Variants in ANK3 observed in about 807,000 individuals in gnomAD.
ANK3 encodes the protein ankyrin 3, also known as ankyrin-3.
Under a neutral mutation model 370.9 loss-of-function variants are expected in ANK3, and 57 were observed. That is an observed-to-expected ratio of 0.15 (90% confidence interval 0.12 to 0.19). The LOEUF (loss-of-function observed/expected upper bound fraction) is 0.19, where lower values mean the gene tolerates loss of function less well. Ranked by LOEUF, ANK3 falls within the 10% of genes least tolerant of loss-of-function variation. ANK3 has a pLI of 1.00. For missense variants in ANK3, 4,439 were observed against 5,302.1 expected, an observed-to-expected ratio of 0.84 and a Z score of 5.06; for synonymous variants, 1,929 against 1,946.3, an observed-to-expected ratio of 0.99 and a Z score of 0.23.
intron 2 of ANK3, among the ~76,000 whole-genome samples, chr10:60,424,332 T>A (rs2063836053): frequency 1.3e-5 from 2 of 152,036 alleles, no homozygotes; most frequent in South Asian, 2.1e-4. Context: ...AATAAGAGAA[T>A]CTAGAAAACT....
chr10:60,468,663 G>A (rs1352150173), intron 2 of ANK3, among the ~76,000 whole-genome samples: 2 of 151,802 alleles, frequency 1.3e-5, no homozygotes, highest in Non-Finnish European at 2.9e-5. Flanking sequence ...TACTAGATGG[G>A]TGAACTTTGG....
At chr10:60,663,928 C>A (rs949595875) in intron 1 of ANK3, among the ~76,000 whole-genome samples, 8 of 152,182 alleles carry the variant, frequency 5.3e-5, no homozygotes, top group Admixed American at 1.3e-4. Context: ...TGAAATGAGA[C>A]AGATGAAAGG....
intron 2 of ANK3, among the ~76,000 whole-genome samples, chr10:60,459,120 G>A (rs543370250): frequency 2.0e-5 from 3 of 152,166 alleles, no homozygotes; most frequent in Admixed American, 1.3e-4. Flanking sequence ...TGACAGAATC[G>A]GCTTACGAGG....
Position 60,073,203 on chromosome 10 carries a change from T to C in ANK3, c.7678A>G (p.Thr2560Ala), listed in dbSNP as rs2083091644. 1 of 1,614,184 alleles carries C rather than the reference T, an allele frequency of 6.2e-7. No individual in the cohort carries two copies. The highest frequency in any genetic ancestry group is 8.5e-7 in the Non-Finnish European group (1 of 1,180,030). The change falls in exon 37 of 44, where the codon ACT becomes GCT. Residue 2560 changes from threonine to alanine, a missense_variant. By Grantham distance (58) the Thr-to-Ala change is moderately conservative. Around this residue, in one of 13 missense-constraint regions of ANK3, gnomAD observed 1,601 missense variants for 1,731.7 expected, o/e 0.92. Coordinates refer to ENST00000280772, the MANE Select transcript of ANK3 (RefSeq NM_020987.5). Reference sequence around the variant, plus strand: ...CTACCTCTGTCTAATCTGTCCTCAGTAAAGCGCATCCACATGGCATGTTTT... The same window carrying C: ...CTACCTCTGTCTAATCTGTCCTCAGCAAAGCGCATCCACATGGCATGTTTT... The part of the protein sequence containing the change: ...SPKHAMWMRF[T>A]EDRLDRGREK...
intron 7 of ANK3, among the ~76,000 whole-genome samples, chr10:60,253,865 T>C (rs2097700341): frequency 6.6e-6 from 1 of 152,220 alleles, no homozygotes; most frequent in African/African-American, 2.4e-5. Context: ...GAAATGTATG[T>C]GTGTGTGGTC....
chr10:60,480,444 A>G (rs1347002900), intron 2 of ANK3, among the ~76,000 whole-genome samples: 1 of 152,216 alleles, frequency 6.6e-6, no homozygotes, highest in Non-Finnish European at 1.5e-5. Context: ...ATCTGGGAAC[A>G]TTCAATTTCA....
At chr10:60,122,618 T>G (rs1367681016) in intron 25 of ANK3, among the ~76,000 whole-genome samples, 2 of 152,246 alleles carry the variant, frequency 1.3e-5, no homozygotes, top group African/African-American at 4.8e-5. Flanking sequence ...ATTTTCAAAC[T>G]GGGGATGGTT....
intron 23 of ANK3, among the ~76,000 whole-genome samples, chr10:60,163,465 G>T (rs1273523124): frequency 1.3e-5 from 2 of 152,078 alleles, no homozygotes; most frequent in Admixed American, 6.5e-5. Context: ...TGGCCCCATT[G>T]TTCTCCCACC....
At chr10:60,685,861 T>A (rs2079260822) in intron 1 of ANK3, among the ~76,000 whole-genome samples, 1 of 152,132 alleles carries the variant, frequency 6.6e-6, no homozygotes, top group South Asian at 2.1e-4. Flanking sequence ...ATTAAGTGCA[T>A]CTGCTCCAAA....
At chr10:60,119,693 AC>A (rs1191901155) in intron 25 of ANK3, among the ~76,000 whole-genome samples, 1 of 151,940 alleles carries the variant, frequency 6.6e-6, no homozygotes, top group Non-Finnish European at 1.5e-5. Flanking sequence ...AATCGCTTGA[AC>A]CCGGGGTACA....
chr10:60,245,834 A>G (rs2097544059), intron 7 of ANK3, among the ~76,000 whole-genome samples: 1 of 152,246 alleles, frequency 6.6e-6, no homozygotes, highest in Non-Finnish European at 1.5e-5. Flanking sequence ...AAAACACTCC[A>G]GCCTTCCTAG....
At chr10:60,093,789 T>C (rs978379786) in intron 28 of ANK3, among the ~76,000 whole-genome samples, 1 of 152,180 alleles carries the variant, frequency 6.6e-6, no homozygotes, top group Non-Finnish European at 1.5e-5. Context: ...AAGTTGCAAG[T>C]GGAAATGCTC....
chr10:60,696,121 C>T (rs1042364824), intron 1 of ANK3, among the ~76,000 whole-genome samples: 5 of 150,410 alleles, frequency 3.3e-5, no homozygotes, highest in African/African-American at 1.2e-4. Flanking sequence ...ATACTACAAA[C>T]ACCTCTATGC....
rs111407467 is a variant in ANK3 at position 60,420,724 on chromosome 10, G to A, written c.97-141085C>T. Among the ~76,000 whole-genome samples the A allele has an allele frequency of 2.9e-3, 442 of 152,188 alleles. 2 individuals carry two copies. Among genetic ancestry groups the A allele is most frequent in the African/African-American group, 0.01 (419 of 41,544 alleles). On this transcript the variant is annotated intron_variant, in intron 2 of 43. Transcript: ENST00000373827. ...ATAAGATGCAGATTCTGAGCATCTG[G>A]CTATCTTCTGGCTTGGGAGGAAGAA...
chr10:60,123,495 G>T (rs896204472), intron 25 of ANK3, among the ~76,000 whole-genome samples: 1 of 152,168 alleles, frequency 6.6e-6, no homozygotes. Flanking sequence ...GGTCAAGAAA[G>T]TGTTTGCAAG....
At chr10:60,614,827 T>A (rs2078246227) in intron 2 of ANK3, among the ~76,000 whole-genome samples, 2 of 152,296 alleles carry the variant, frequency 1.3e-5, no homozygotes, top group South Asian at 4.1e-4. Flanking sequence ...CATGGCATTA[T>A]CAATGGAGAA....
chr10:60,300,755 G>A (rs1432262317), intron 1 of ANK3, among the ~76,000 whole-genome samples: 1 of 151,962 alleles, frequency 6.6e-6, no homozygotes, highest in African/African-American at 2.4e-5. Flanking sequence ...CTGTACTCAC[G>A]CTACTCTGAC....
intron 14 of ANK3, among the ~76,000 whole-genome samples, chr10:60,196,965 G>C (rs1049084891): frequency 9.2e-5 from 14 of 152,096 alleles, no homozygotes; most frequent in African/African-American, 3.1e-4. Flanking sequence ...TGGATCTGGG[G>C]CTTATTCTAG....
At position 60,479,308 on chromosome 10, in the gene ANK3, C is replaced by A. The variant is rs183027791; in HGVS notation, c.96+135878G>T. Among the ~76,000 whole-genome samples, 52 of 152,144 alleles carry A rather than the reference C, an allele frequency of 3.4e-4. No individual in the cohort carries two copies. The East Asian group carries it at 9.5e-3, about 28-fold the overall frequency. On this transcript the variant is annotated intron_variant, in intron 2 of 43. Coordinates refer to the ANK3 transcript ENST00000373827. Reference sequence around the variant, plus strand: ...TTAGATAGATTTAGATACACAAATACCATTGTGCTACAACTACCTACAGTG... The same window carrying A: ...TTAGATAGATTTAGATACACAAATAACATTGTGCTACAACTACCTACAGTG...
Sources: gnomAD v4.1 joint callset for allele counts (sites outside exome capture counted in the v4.1 genomes callset) on GRCh38, gnomAD v4.1.1 for gene constraint, gnomAD v4.1.1 regional missense constraint, MANE v1.5 for transcripts, NCBI Gene and HGNC (gene_info 2026-07-23, HGNC 2026-07-21) for gene names.